NAV2: variants seen among roughly 807,000 people sequenced by gnomAD.
The protein encoded by NAV2 is helicase, APC down-regulated 1.
NAV2 carries 54 observed loss-of-function variants against 223.2 expected under a neutral mutation model. The ratio of observed to expected loss-of-function variants is 0.24; its 90% confidence interval spans 0.19 to 0.30. The LOEUF is 0.30. Ranked by LOEUF, NAV2 falls within the 10% of genes least tolerant of loss-of-function variation. The pLI is 1.00. For synonymous variants in NAV2, 1,279 were observed against 1,239.3 expected (o/e 1.03, Z -0.67); for missense variants, 2,806 against 3,147.5 (o/e 0.89, Z 2.60).
At chr11:19,630,323 T>C (rs2047307433) in intron 1 of NAV2, among the ~76,000 whole-genome samples, 1 of 152,216 alleles carries the variant, frequency 6.6e-6, no homozygotes, top group Non-Finnish European at 1.5e-5. Flanking sequence ...CTCCTGCCTT[T>C]ACTACTTCTT....
At chr11:19,550,891 C>T (rs1034553446) in intron 1 of NAV2, among the ~76,000 whole-genome samples, 2 of 152,224 alleles carry the variant, frequency 1.3e-5, no homozygotes, top group Non-Finnish European at 2.9e-5. Flanking sequence ...GGCAATGTCC[C>T]AACAACCCAA....
At chr11:19,461,264 C>A (rs1258008706) in intron 1 of NAV2, among the ~76,000 whole-genome samples, 1 of 152,154 alleles carries the variant, frequency 6.6e-6, no homozygotes, top group Non-Finnish European at 1.5e-5. Flanking sequence ...CCCGCCTCCC[C>A]TCTCCCTGGT....
intron 1 of NAV2, among the ~76,000 whole-genome samples, chr11:19,636,102 C>T (rs2047491968): frequency 6.6e-6 from 1 of 152,190 alleles, no homozygotes; most frequent in African/African-American, 2.4e-5. Context: ...TATTAGAGGA[C>T]TGGTCAATAG....
upstream of NAV2, among the ~76,000 whole-genome samples, chr11:19,349,367 G>A (rs930835551): frequency 6.6e-5 from 10 of 152,118 alleles, no homozygotes; most frequent in African/African-American, 1.2e-4. Flanking sequence ...CTCTGTGGCC[G>A]AGTCTCATGT....
At chr11:19,374,847 T>C (rs1848590351) in intron 1 of NAV2, among the ~76,000 whole-genome samples, 1 of 152,178 alleles carries the variant, frequency 6.6e-6, no homozygotes, top group Admixed American at 6.5e-5. Context: ...CCTAGGTTTT[T>C]CTTCTCTTTG....
At chr11:19,749,062 T>C (rs1333191136) in intron 1 of NAV2, among the ~76,000 whole-genome samples, 1 of 152,252 alleles carries the variant, frequency 6.6e-6, no homozygotes, top group Non-Finnish European at 1.5e-5. Context: ...TTAAGCATCC[T>C]CTGTATGAAG....
chr11:19,829,120 C>T (rs941143732), intron 1 of NAV2, among the ~76,000 whole-genome samples: 5 of 152,202 alleles, frequency 3.3e-5, no homozygotes, highest in Non-Finnish European at 5.9e-5. Context: ...TGAGGCACAG[C>T]ATCTCATCCC....
At chr11:19,428,313 G>T (rs1434455602) in intron 1 of NAV2, among the ~76,000 whole-genome samples, 2 of 152,170 alleles carry the variant, frequency 1.3e-5, no homozygotes, top group African/African-American at 2.4e-5. Context: ...GGCTTGGAAG[G>T]GGTAGCCTAG....
At chr11:19,936,815 C>G (rs1450887682) in intron 7 of NAV2, among the ~76,000 whole-genome samples, 1 of 152,132 alleles carries the variant, frequency 6.6e-6, no homozygotes, top group Non-Finnish European at 1.5e-5. Context: ...CCCCAAGTCA[C>G]AGAACTAGAC....
At chr11:19,448,073 A>G (rs942228349) in intron 1 of NAV2, among the ~76,000 whole-genome samples, 5 of 152,142 alleles carry the variant, frequency 3.3e-5, no homozygotes, top group Non-Finnish European at 7.4e-5. Context: ...GGGACACACA[A>G]TCTGGTAAGG....
At chr11:19,846,237 T>C (rs1236693498) in intron 3 of NAV2, among the ~76,000 whole-genome samples, 1 of 152,126 alleles carries the variant, frequency 6.6e-6, no homozygotes, top group Non-Finnish European at 1.5e-5. Flanking sequence ...AGAGGAAGGT[T>C]TTACAAACAA....
At chr11:19,786,841 TA>T (rs1211581831) in intron 1 of NAV2, among the ~76,000 whole-genome samples, 1 of 152,078 alleles carries the variant, frequency 6.6e-6, no homozygotes, top group Non-Finnish European at 1.5e-5. Context: ...AACTGTGTGT[TA>T]AGGTGGGTGT....
chr11:19,899,138 C>G (rs1248909540), intron 6 of NAV2, among the ~76,000 whole-genome samples: 1 of 152,140 alleles, frequency 6.6e-6, no homozygotes, highest in Non-Finnish European at 1.5e-5. Flanking sequence ...GTGATCCATG[C>G]TTTCTGGTGG....
At chr11:19,545,446 G>A (rs1226422393) in intron 1 of NAV2, among the ~76,000 whole-genome samples, 1 of 141,434 alleles carries the variant, frequency 7.1e-6, no homozygotes. Flanking sequence ...GTGAAAGGAA[G>A]AAGGTATGGG....
Position 20,077,607 on chromosome 11 carries a change from A to T in NAV2, c.5039A>T (p.Gln1680Leu). The T allele has an allele frequency of 6.2e-7, 1 of 1,614,120 alleles. No homozygotes were observed. The highest frequency in any genetic ancestry group is 8.5e-7 in the Non-Finnish European group (1 of 1,179,934). The change falls in exon 23 of 38, where the codon CAG becomes CTG. Residue 1680 changes from glutamine to leucine, a missense_variant. Transcript: ENST00000349880. ...CTTGGTAACATGACAATCAGGCTCC[A>T]GAGTCTGACCATGACAGCTGAGCAG... The part of the protein sequence containing the change: ...QSLGNMTIRL[Q>L]SLTMTAEQKD...
intron 8 of NAV2, 147 bp downstream of exon 8, chr11:19,939,920 TTTC>T (rs1565603437): frequency 1.2e-5 from 7 of 563,418 alleles, no homozygotes; most frequent in Middle Eastern, 3.4e-4. Context: ...TCTTTTTTTT[TTTC>T]CTATTATTTT....
intron 11 of NAV2, among the ~76,000 whole-genome samples, chr11:20,006,490 C>T (rs1374212784): frequency 6.6e-6 from 1 of 152,118 alleles, no homozygotes; most frequent in Non-Finnish European, 1.5e-5. Flanking sequence ...TCCTGACCAA[C>T]ATGGTGAAAC....
At chr11:19,706,128 T>C (rs1228533720) in intron 1 of NAV2, among the ~76,000 whole-genome samples, 5 of 152,202 alleles carry the variant, frequency 3.3e-5, no homozygotes, top group Admixed American at 1.3e-4. Context: ...ATATGATTTA[T>C]TTACACAGCC....
chr11:19,356,027 T>C (rs1458138781), intron 1 of NAV2, among the ~76,000 whole-genome samples: 1 of 152,234 alleles, frequency 6.6e-6, no homozygotes, highest in Non-Finnish European at 1.5e-5. Flanking sequence ...CAGTGTTTGC[T>C]GCTGCTCCTT....
Sources: allele counts gnomAD v4.1 joint callset (sites outside exome capture counted in the v4.1 genomes callset), GRCh38; gene constraint gnomAD v4.1.1; transcripts MANE v1.5; gene names NCBI Gene and HGNC (gene_info 2026-07-23, HGNC 2026-07-21).